The following ANXA3 variants were observed in gnomAD, a reference collection of about 807,000 sequenced individuals.
ANXA3 encodes annexin A3, also known as 35-alpha calcimedin.
A neutral mutation model predicts 48.8 loss-of-function variants in ANXA3; 46 were observed. The ratio of observed to expected loss-of-function variants is 0.94; its 90% confidence interval spans 0.74 to 1.21. ANXA3 has a LOEUF of 1.21. Among genes scored for constraint, ANXA3 ranks in the 50% most tolerant of loss-of-function variants. The pLI is 0.00. For synonymous variants in ANXA3, 128 were observed against 134.7 expected (o/e 0.95, Z 0.35); for missense variants, 383 against 378.6 (o/e 1.01, Z -0.10).
At chr4:78,554,384 T>A in intron 1 of ANXA3, 52 bp from the exon 2 acceptor site, 1 of 1,234,558 alleles carries the variant, frequency 8.1e-7, no homozygotes. Context: ...CTAAGATTAT[T>A]GTGTTCTGAA....
intron 9 of ANXA3, 82 bp from the exon 10 acceptor site, chr4:78,597,237 T>C: frequency 1.2e-6 from 1 of 852,464 alleles, no homozygotes; most frequent in South Asian, 1.6e-5. Context: ...CTTGATCTTC[T>C]GCATATCAAA....
At chr4:78,603,154 T>C (rs947684901) in intron 11 of ANXA3, 3 of 152,366 alleles carry the variant, frequency 2.0e-5, no homozygotes, top group Admixed American at 2.0e-4. Context: ...GTTAATTTGC[T>C]TTGCTGTCTG....
At chr4:78,567,879 C>T (rs1722763840) in intron 2 of ANXA3, among the ~76,000 whole-genome samples, 1 of 152,188 alleles carries the variant, frequency 6.6e-6, no homozygotes, top group Non-Finnish European at 1.5e-5. Flanking sequence ...GTATCTGTTT[C>T]TTCTTGTCTT....
intron 11 of ANXA3, chr4:78,603,408 A>G (rs1276964156): frequency 2.0e-5 from 3 of 152,222 alleles, no homozygotes; most frequent in Non-Finnish European, 4.4e-5. Context: ...GTAGCGATAC[A>G]TCATTATGTT....
At chr4:78,603,668 A>G (rs531724610) in intron 11 of ANXA3, 2 of 152,338 alleles carry the variant, frequency 1.3e-5, no homozygotes, top group South Asian at 4.1e-4. Context: ...TGTTTAAAAT[A>G]TTACAAGAGC....
chr4:78,590,761 G>T (rs975277973), intron 6 of ANXA3, among the ~76,000 whole-genome samples: 2 of 145,366 alleles, frequency 1.4e-5, no homozygotes, highest in Non-Finnish European at 2.9e-5. Flanking sequence ...AAAAAATATG[G>T]TTTAATTATA....
At chr4:78,609,802 T>C (rs2109829767) in intron 12 of ANXA3, among the ~76,000 whole-genome samples, 1 of 152,328 alleles carries the variant, frequency 6.6e-6, no homozygotes, top group South Asian at 2.1e-4. Context: ...TCTTATTTTA[T>C]TAAACCAAAA....
At chr4:78,604,037 A>C (rs533567349) in intron 11 of ANXA3, 4 of 338,964 alleles carry the variant, frequency 1.2e-5, no homozygotes, top group Non-Finnish European at 1.1e-5. Context: ...TTCTTTACAA[A>C]ACTGGAAGCT....
At chr4:78,589,174 A>C (rs1723236937) in intron 6 of ANXA3, among the ~76,000 whole-genome samples, 1 of 152,220 alleles carries the variant, frequency 6.6e-6, no homozygotes, top group Non-Finnish European at 1.5e-5. Context: ...TATTTATTAA[A>C]TGAGTGTCCT....
At chr4:78,593,113 C>CCACA (rs59972919) in intron 7 of ANXA3, among the ~76,000 whole-genome samples, 60,307 of 143,736 alleles carry the variant, frequency 0.42, 13,395 homozygotes, top group Admixed American at 0.51. Flanking sequence ...AACACACATA[C>CCACA]CACACACACA....
At chr4:78,573,349 T>A in intron 3 of ANXA3, 82 bp downstream of exon 3, 1 of 1,009,356 alleles carries the variant, frequency 9.9e-7, no homozygotes, top group Non-Finnish European at 1.5e-6. Flanking sequence ...TTGCTCAGAT[T>A]GGCTTACTCA....
intron 2 of ANXA3, among the ~76,000 whole-genome samples, chr4:78,561,901 C>T (rs1722634878): frequency 6.6e-6 from 1 of 152,142 alleles, no homozygotes; most frequent in Non-Finnish European, 1.5e-5. Context: ...AACATTTAAG[C>T]TTTGTTTTGG....
Position 78,587,535 on chromosome 4 carries a change from A to G in ANXA3, c.403+1185A>G, listed in dbSNP as rs1226497354. ...CAATGGCCCCATAGAACCCTCTCCA[A>G]GTACTTTAAGGGAGCCACAGTTTCT... On this transcript the variant is annotated intron_variant, in intron 6 of 12. Coordinates refer to ENST00000264908, the MANE Select transcript of ANXA3 (RefSeq NM_005139.3). Among the ~76,000 whole-genome samples the G allele has an allele frequency of 2.0e-5, 3 of 152,202 alleles. No homozygotes were observed. The East Asian group carries it at 5.8e-4, about 29-fold the overall frequency.
At chr4:78,604,853 T>C (rs1049462671) in intron 12 of ANXA3, among the ~76,000 whole-genome samples, 1 of 152,256 alleles carries the variant, frequency 6.6e-6, no homozygotes, top group African/African-American at 2.4e-5. Flanking sequence ...TGTATATCAT[T>C]CCATTGTTTG....
At chr4:78,600,464 C>G (rs554585077) in intron 10 of ANXA3, among the ~76,000 whole-genome samples, 13 of 152,178 alleles carry the variant, frequency 8.5e-5, no homozygotes, top group African/African-American at 3.1e-4. Context: ...TGAAAGTGGG[C>G]ATCATTATTT....
intron 6 of ANXA3, among the ~76,000 whole-genome samples, chr4:78,590,608 A>G (rs1023553117): frequency 3.3e-5 from 5 of 152,090 alleles, no homozygotes; most frequent in Admixed American, 1.3e-4. Context: ...GCAGACAGAG[A>G]TTTAAGACTG....
chr4:78,590,599 C>T (rs776095927), intron 6 of ANXA3, among the ~76,000 whole-genome samples: 1 of 152,038 alleles, frequency 6.6e-6, no homozygotes, highest in African/African-American at 2.4e-5. Context: ...ATGGATGGGG[C>T]AGACAGAGAT....
intron 2 of ANXA3, among the ~76,000 whole-genome samples, chr4:78,572,871 G>C (rs1419902414): frequency 6.6e-6 from 1 of 152,174 alleles, no homozygotes; most frequent in Non-Finnish European, 1.5e-5. Context: ...GGGTAGTTTA[G>C]CTTTTGGGAA....
rs1208001893 is a variant in ANXA3, at chr4:78,551,857, T to C, written c.-41T>C. On this transcript the variant is annotated splice_region_variant and 5_prime_UTR_variant, in exon 1 of 13. Transcript: ENST00000264908. Reference sequence around the variant, plus strand: ...CACACCAGTTTCCCCCACCGCGCTTTGGGTAAGTTCAGCCTCCCGGCGCGT... The same window carrying C: ...CACACCAGTTTCCCCCACCGCGCTTCGGGTAAGTTCAGCCTCCCGGCGCGT... The C allele has an allele frequency of 6.6e-6, 1 of 152,286 alleles. No individual in the cohort carries two copies. The highest frequency in any genetic ancestry group is 2.4e-5 in the African/African-American group (1 of 41,460). The allele number at this position is 152,286 out of a possible 1,614,324, so 9.4% of individuals were successfully genotyped here.
Sources: allele counts gnomAD v4.1 joint callset (sites outside exome capture counted in the v4.1 genomes callset), GRCh38; gene constraint gnomAD v4.1.1; transcripts MANE v1.5; gene names NCBI Gene and HGNC (gene_info 2026-07-23, HGNC 2026-07-21).